The following RBM26 variants were observed in gnomAD, a reference collection of about 807,000 sequenced individuals.
RBM26 encodes RNA binding motif protein 26, also known as RNA-binding protein 26.
A neutral mutation model predicts 123.6 loss-of-function variants in RBM26; 30 were observed. The observed-to-expected ratio is 0.24, with a 90% confidence interval of 0.18 to 0.33. RBM26 has a LOEUF of 0.33. Ranked by LOEUF, RBM26 falls within the 10% of genes least tolerant of loss-of-function variation. RBM26 has a pLI of 1.00. For synonymous variants in RBM26, 400 were observed against 404.4 expected, an observed-to-expected ratio of 0.99 and a Z score of 0.13; for missense variants, 947 against 1,203.6, an observed-to-expected ratio of 0.79 and a Z score of 3.15.
chr13:79,317,033 A>G (rs2067213388), downstream of RBM26, among the ~76,000 whole-genome samples: 1 of 151,746 alleles, frequency 6.6e-6, no homozygotes, highest in Non-Finnish European at 1.5e-5. Context: ...TTAAATCCAT[A>G]TTGGTGAGAG....
At chr13:79,377,992 T>C (rs1339332880) in intron 2 of RBM26, among the ~76,000 whole-genome samples, 13 of 152,030 alleles carry the variant, frequency 8.6e-5, no homozygotes, top group East Asian at 1.9e-4. Context: ...CAGTGTGCCA[T>C]GGCACAAGTC....
intron 1 of RBM26, among the ~76,000 whole-genome samples, chr13:79,394,666 C>T (rs982809986): frequency 6.6e-6 from 1 of 152,176 alleles, no homozygotes. Context: ...CAGAGTCTCG[C>T]TCTGTTGCCC....
Position 79,319,163 on chromosome 13 carries a change from C to T in RBM26, c.*1458G>A. The T allele has an allele frequency of 1.0e-6, 1 of 984,598 alleles. No individual in the cohort carries two copies. The highest frequency in any genetic ancestry group is 1.2e-6 in the Non-Finnish European group (1 of 829,400). 61.0% of individuals were successfully genotyped at this position (984,598 alleles called of 1,614,324 possible). On this transcript the variant is annotated 3_prime_UTR_variant, in exon 22 of 22. Transcript: ENST00000438737. ...GGTGTATGGGGAAGAAGAAAAAGAA[C>T]AGCATCCTTAAGTTACTCCACTGGC...
At position 79,357,642 on chromosome 13, in the gene RBM26, C is replaced by T. The variant is rs148764173; in HGVS notation, c.1689+632G>A. Among the ~76,000 whole-genome samples, 8 of 152,172 alleles carry T rather than the reference C, an allele frequency of 5.3e-5. No individual in the cohort carries two copies. The East Asian group carries it at 1.5e-3, about 29-fold the overall frequency. ...AAAGTCTCTATTAAGTGCATCCCACCATAGGAGTGACAAAAATCTGACTAA... is the reference window on the plus strand; with the variant it reads ...AAAGTCTCTATTAAGTGCATCCCACTATAGGAGTGACAAAAATCTGACTAA... On this transcript the variant is annotated intron_variant, in intron 11 of 21. Coordinates refer to ENST00000438737, the MANE Select transcript of RBM26 (RefSeq NM_001366735.2).
At chr13:79,404,474 C>T (rs150112407) in intron 1 of RBM26, among the ~76,000 whole-genome samples, 1 of 152,280 alleles carries the variant, frequency 6.6e-6, no homozygotes, top group African/African-American at 2.4e-5. Context: ...TTAAATCAGT[C>T]CTTGTCTGCT....
chr13:79,366,338 G>A (rs2075267202), intron 7 of RBM26, 143 bp from the exon 8 acceptor site: 3 of 984,878 alleles, frequency 3.0e-6, no homozygotes, highest in South Asian at 1.8e-5. Context: ...GATATCCAGG[G>A]TAAAATATCC....
In RBM26 at chr13:79,322,457, T is replaced by A. The variant is rs1260241049; in HGVS notation, c.2826A>T (p.Ala942=). ...GCCCTTTGAAACGAGCTCCATGAAC[T>A]GCAGCCTAAAATGATTAAAAATATT... The part of the protein sequence containing the change: ...FKTRAEAEAA[A]VHGARFKGQD... The change falls in exon 21 of 22, where the codon GCA becomes GCT. Residue 942 remains alanine, a synonymous_variant. Transcript: ENST00000438737. The A allele has an allele frequency of 1.3e-6, 2 of 1,554,858 alleles. No individual in the cohort carries two copies. Among genetic ancestry groups the A allele is most frequent in the East Asian group, 2.4e-5 (1 of 41,366 alleles).
At chr13:79,395,145 C>G (rs955818570) in intron 1 of RBM26, among the ~76,000 whole-genome samples, 3 of 152,146 alleles carry the variant, frequency 2.0e-5, no homozygotes, top group African/African-American at 7.2e-5. Flanking sequence ...CACAAAAGAT[C>G]TAGCATAAAA....
At chr13:79,353,302 C>A in intron 13 of RBM26, 78 bp from the exon 14 acceptor site, 1 of 817,968 alleles carries the variant, frequency 1.2e-6, no homozygotes, top group Non-Finnish European at 2.0e-6. Context: ...CATTCTGATT[C>A]TACTAATATA....
rs375023858 is a variant in RBM26, at chr13:79,322,430, T to G, written c.2853A>C (p.Gln951His). The change falls in exon 21 of 22, where the codon CAA becomes CAC. Residue 951 changes from glutamine to histidine, a missense_variant. Physicochemically the swap from Gln to His is conservative, Grantham distance 24. Coordinates refer to ENST00000438737, the MANE Select transcript of RBM26 (RefSeq NM_001366735.2). ...AAVHGARFKG[Q>H]DLKLAWNKPV... Reference sequence around the variant, plus strand: ...GTTTATTCCATGCCAGTTTTAGATCTTGCCCTTTGAAACGAGCTCCATGAA... The same window carrying G: ...GTTTATTCCATGCCAGTTTTAGATCGTGCCCTTTGAAACGAGCTCCATGAA... 1.3e-6 allele frequency: 2 copies of G among 1,577,412 alleles called. No individual in the cohort carries two copies. Among genetic ancestry groups the G allele is most frequent in the East Asian group, 2.4e-5 (1 of 42,428 alleles).
downstream of RBM26, among the ~76,000 whole-genome samples, chr13:79,316,211 G>A (rs1167094688): frequency 6.6e-6 from 1 of 151,128 alleles, no homozygotes; most frequent in African/African-American, 2.4e-5. Flanking sequence ...GTGTGTGTGT[G>A]TGTGTGTGTG....
intron 14 of RBM26, among the ~76,000 whole-genome samples, chr13:79,348,336 G>T (rs960460076): frequency 2.0e-5 from 3 of 152,038 alleles, no homozygotes; most frequent in Non-Finnish European, 4.4e-5. Flanking sequence ...TCCCTAAAGA[G>T]AGGGAGGTTA....
chr13:79,373,692 T>C (rs2076366712), intron 3 of RBM26, among the ~76,000 whole-genome samples: 1 of 53,632 alleles, frequency 1.9e-5, no homozygotes. Context: ...TATAATAATA[T>C]ATAATATTTT....
chr13:79,388,909 A>AAGTACCTGTTATTGC (rs1245078720), intron 1 of RBM26, among the ~76,000 whole-genome samples: 1 of 152,190 alleles, frequency 6.6e-6, no homozygotes, highest in Non-Finnish European at 1.5e-5. Flanking sequence ...ACAGGCCTCA[A>AAGTACCTGTTATTGC]AGTACCTGTT....
chr13:79,383,689 T>C (rs1373267507), intron 1 of RBM26, among the ~76,000 whole-genome samples: 1 of 152,146 alleles, frequency 6.6e-6, no homozygotes, highest in Non-Finnish European at 1.5e-5. Flanking sequence ...GGAACCAATA[T>C]GCATATTACA....
intron 6 of RBM26, among the ~76,000 whole-genome samples, chr13:79,367,421 A>AG (rs1328535420): frequency 2.3e-5 from 3 of 132,094 alleles, no homozygotes; most frequent in African/African-American, 8.3e-5. Context: ...AAAAAAAAAA[A>AG]AAAAAAAAAA....
At chr13:79,387,875 T>C (rs932563226) in intron 1 of RBM26, among the ~76,000 whole-genome samples, 1 of 152,302 alleles carries the variant, frequency 6.6e-6, no homozygotes, top group Middle Eastern at 3.4e-3. Flanking sequence ...GCCAGACCTA[T>C]ATAATTTCTG....
At chr13:79,364,266 T>C (rs1462272904) in intron 9 of RBM26, among the ~76,000 whole-genome samples, 9 of 152,158 alleles carry the variant, frequency 5.9e-5, no homozygotes. Flanking sequence ...TACACCTTCA[T>C]TACAAAAAGT....
At chr13:79,336,999 A>G in intron 19 of RBM26, 103 bp downstream of exon 19, 1 of 1,040,962 alleles carries the variant, frequency 9.6e-7, no homozygotes, top group Non-Finnish European at 1.4e-6. Context: ...CAGATTAACG[A>G]GTTGAAATTA....
Sources: gnomAD v4.1 joint callset for allele counts (sites outside exome capture counted in the v4.1 genomes callset) on GRCh38, gnomAD v4.1.1 for gene constraint, MANE v1.5 for transcripts, NCBI Gene and HGNC (gene_info 2026-07-23, HGNC 2026-07-21) for gene names.